Variants in VWC2 observed in about 807,000 individuals in gnomAD.
VWC2 encodes von Willebrand factor C domain containing 2.
A neutral mutation model predicts 29.8 loss-of-function variants in VWC2; 14 were observed. That is an observed-to-expected ratio of 0.47 (90% confidence interval 0.31 to 0.74). The LOEUF is 0.74. VWC2 is among the 30% of genes least tolerant of loss of function. The pLI is 0.05. For synonymous variants in VWC2, 213 were observed against 199.0 expected, an observed-to-expected ratio of 1.07 and a Z score of -0.59; for missense variants, 457 against 459.8, an observed-to-expected ratio of 0.99 and a Z score of 0.05.
chr7:49,802,816 C>A lies in VWC2; in HGVS notation c.802C>A (p.Gln268Lys). ...TGTGGACCCTGTGTACGAGCCTGATCAGTGCTGTCCCATCTGCAAAAATGG... is the reference window on the plus strand; with the variant it reads ...TGTGGACCCTGTGTACGAGCCTGATAAGTGCTGTCCCATCTGCAAAAATGG... Reference protein sequence around the residue: ...ECVDPVYEPDQCCPICKNGPN... With the variant: ...ECVDPVYEPDKCCPICKNGPN... Residue 268 changes from glutamine to lysine, a missense_variant, in exon 3 of 4, where the codon CAG becomes AAG. Gln to Lys is a moderately conservative substitution (Grantham distance 53, BLOSUM62 1). Transcript: ENST00000340652. 6.2e-7 allele frequency: 1 copy of A among 1,614,200 alleles called. No homozygotes were observed. The highest frequency in any genetic ancestry group is 8.5e-7 in the Non-Finnish European group (1 of 1,180,036).
At chr7:49,790,613 GA>G (rs1788444401) in intron 2 of VWC2, among the ~76,000 whole-genome samples, 1 of 152,102 alleles carries the variant, frequency 6.6e-6, no homozygotes, top group South Asian at 2.1e-4. Flanking sequence ...AGAAAGTAGA[GA>G]GGGGCAGGGA....
Position 49,912,056 on chromosome 7 carries a change from C to T in VWC2, c.849C>T (p.Thr283=), listed in dbSNP as rs746597662. The T allele has an allele frequency of 7.6e-5, 122 of 1,613,440 alleles. No homozygotes were observed. The Middle Eastern group carries it at 2.5e-3, about 33-fold the overall frequency. The change falls in exon 4 of 4, where the codon ACC becomes ACT. Residue 283 remains threonine (T), a synonymous_variant. Transcript: ENST00000340652. The part of the protein sequence containing the change: ...CKNGPNCFAE[T]AVIPAGREVK... The stretch of plus-strand genomic sequence containing the variant: ...CAGGTCCAAACTGCTTTGCAGAAAC[C>T]GCGGTGATCCCTGCTGGCAGAGAAG...
chr7:49,832,718 C>T (rs898816767), intron 3 of VWC2, among the ~76,000 whole-genome samples: 5 of 152,148 alleles, frequency 3.3e-5, no homozygotes, highest in Admixed American at 6.5e-5. Flanking sequence ...GGAGGCTGGT[C>T]CAAGCCAACA....
intron 3 of VWC2, among the ~76,000 whole-genome samples, chr7:49,824,109 A>G (rs1054156963): frequency 1.3e-5 from 2 of 151,922 alleles, no homozygotes; most frequent in East Asian, 3.9e-4. Context: ...TTTAATTTTG[A>G]TAAAGTTCAG....
chr7:49,830,524 T>A (rs485157), intron 3 of VWC2, among the ~76,000 whole-genome samples: 1,948 of 152,284 alleles, frequency 0.013, 50 homozygotes, highest in African/African-American at 0.045. Flanking sequence ...TTTCTCTTTT[T>A]TATTATTATT....
intron 3 of VWC2, among the ~76,000 whole-genome samples, chr7:49,846,791 T>C (rs182431408): frequency 3.5e-4 from 53 of 152,294 alleles, no homozygotes; most frequent in African/African-American, 1.3e-3. Flanking sequence ...ACATTTTCCC[T>C]CCTTTATACA....
At chr7:49,832,604 G>A (rs1239678125) in intron 3 of VWC2, among the ~76,000 whole-genome samples, 1 of 152,126 alleles carries the variant, frequency 6.6e-6, no homozygotes, top group Non-Finnish European at 1.5e-5. Context: ...GAAATCTCCT[G>A]TTTTTTAGGA....
chr7:49,774,481 G>C (rs903928960), intron 1 of VWC2, among the ~76,000 whole-genome samples: 6 of 152,254 alleles, frequency 3.9e-5, no homozygotes, highest in Non-Finnish European at 8.8e-5. Context: ...AATCCAGAAA[G>C]GCTGGCCGGG....
intron 2 of VWC2, among the ~76,000 whole-genome samples, chr7:49,793,101 A>G (rs887987448): frequency 6.6e-6 from 1 of 152,224 alleles, no homozygotes. Flanking sequence ...AGCCCAGTAA[A>G]GCATCACTAA....
At chr7:49,787,941 A>G (rs189222931) in intron 2 of VWC2, among the ~76,000 whole-genome samples, 1 of 152,316 alleles carries the variant, frequency 6.6e-6, no homozygotes, top group Non-Finnish European at 1.5e-5. Flanking sequence ...CTCAGGGACC[A>G]TTGCGCCGTA....
chr7:49,910,920 GT>G (rs1447673423), intron 3 of VWC2, among the ~76,000 whole-genome samples: 5 of 152,170 alleles, frequency 3.3e-5, no homozygotes, highest in African/African-American at 1.2e-4. Context: ...TGCAAACAGT[GT>G]TTTCAACAGC....
At chr7:49,796,657 T>C (rs1480806153) in intron 2 of VWC2, among the ~76,000 whole-genome samples, 2 of 152,188 alleles carry the variant, frequency 1.3e-5, no homozygotes, top group Admixed American at 1.3e-4. Context: ...CCTTCTATAG[T>C]GGAAAGACAT....
intron 2 of VWC2, 53 bp from the exon 3 acceptor site, chr7:49,802,658 G>A (rs747280697): frequency 7.5e-6 from 12 of 1,610,642 alleles, no homozygotes; most frequent in Middle Eastern, 1.7e-4. Flanking sequence ...ATATGACCCT[G>A]TAGGATAAAC....
intron 3 of VWC2, among the ~76,000 whole-genome samples, chr7:49,835,343 GTTTC>G (rs1789632214): frequency 6.6e-6 from 1 of 152,204 alleles, no homozygotes; most frequent in Non-Finnish European, 1.5e-5. Context: ...CTCAGATGAA[GTTTC>G]TTTTCTTTCT....
At chr7:49,854,873 T>A (rs1790351014) in intron 3 of VWC2, among the ~76,000 whole-genome samples, 1 of 152,204 alleles carries the variant, frequency 6.6e-6, no homozygotes. Context: ...TCAACCATAT[T>A]TTTAGATTAG....
chr7:49,778,774 G>C (rs1473268708), intron 2 of VWC2, among the ~76,000 whole-genome samples: 2 of 152,222 alleles, frequency 1.3e-5, no homozygotes, highest in Non-Finnish European at 2.9e-5. Flanking sequence ...CCTGCTCTGG[G>C]TATTCTGGGT....
intron 2 of VWC2, among the ~76,000 whole-genome samples, chr7:49,784,257 A>G (rs1788245991): frequency 6.6e-6 from 1 of 152,236 alleles, no homozygotes; most frequent in African/African-American, 2.4e-5. Flanking sequence ...TCCATTACAT[A>G]ATCTCTCATT....
chr7:49,885,606 A>AG (rs1791869676), intron 3 of VWC2, among the ~76,000 whole-genome samples: 1 of 152,238 alleles, frequency 6.6e-6, no homozygotes, highest in Non-Finnish European at 1.5e-5. Context: ...GTGAAGCACA[A>AG]GATATGTTTT....
intron 3 of VWC2, among the ~76,000 whole-genome samples, chr7:49,854,267 T>G (rs769922): frequency 5.3e-5 from 8 of 151,988 alleles, no homozygotes; most frequent in Non-Finnish European, 7.4e-5. Flanking sequence ...ATTTCTAGTT[T>G]GAGATCCTTG....
Sources: gnomAD v4.1 joint callset for allele counts (sites outside exome capture counted in the v4.1 genomes callset) on GRCh38, gnomAD v4.1.1 for gene constraint, MANE v1.5 for transcripts, NCBI Gene and HGNC (gene_info 2026-07-23, HGNC 2026-07-21) for gene names.